The following ANO3 variants were observed in gnomAD, a reference collection of about 807,000 sequenced individuals.
ANO3 encodes anoctamin-3.
A neutral mutation model predicts 144.8 loss-of-function variants in ANO3; 99 were observed. The observed-to-expected ratio is 0.68, with a 90% CI of 0.58 to 0.81. The LOEUF (loss-of-function observed/expected upper bound fraction) is 0.81. ANO3 is among the 30% of genes least tolerant of loss of function. The pLI, the probability that ANO3 is intolerant of heterozygous loss-of-function variation, is 0.00. For synonymous variants in ANO3, 414 were observed against 392.6 expected, an observed-to-expected ratio of 1.05 and a Z score of -0.64; for missense variants, 905 against 1,202.2, an observed-to-expected ratio of 0.75 and a Z score of 3.66.
At chr11:26,393,773 T>G (rs1028148298) in intron 1 of ANO3, among the ~76,000 whole-genome samples, 1 of 152,314 alleles carries the variant, frequency 6.6e-6, no homozygotes, top group African/African-American at 2.4e-5. Context: ...AATAATATAC[T>G]TTGGGAGTTG....
At chr11:26,353,349 T>G (rs1333470198) in intron 1 of ANO3, among the ~76,000 whole-genome samples, 1 of 151,638 alleles carries the variant, frequency 6.6e-6, no homozygotes, top group Non-Finnish European at 1.5e-5. Context: ...CACATTCTGT[T>G]TTTCAGGGTC....
intron 4 of ANO3, among the ~76,000 whole-genome samples, chr11:26,470,788 A>G (rs889991341): frequency 6.6e-6 from 1 of 151,966 alleles, no homozygotes; most frequent in African/African-American, 2.4e-5. Context: ...AGGACATAAA[A>G]CTTAAGTATT....
intron 11 of ANO3, among the ~76,000 whole-genome samples, chr11:26,544,249 T>TACAC (rs746053289): frequency 9.0e-4 from 48 of 53,214 alleles, no homozygotes; most frequent in Non-Finnish European, 1.4e-3. Flanking sequence ...TATTTCATTA[T>TACAC]ACATATATAT....
At chr11:26,296,158 C>T (rs1854084136) in intron 1 of ANO3, among the ~76,000 whole-genome samples, 1 of 152,262 alleles carries the variant, frequency 6.6e-6, no homozygotes, top group African/African-American at 2.4e-5. Flanking sequence ...CTTGTGTTGG[C>T]AATTGATCTT....
chr11:26,525,665 C>A lies in ANO3; in HGVS notation c.723C>A (p.Ser241Arg). ...RKKCYYTDGR[S>R]KSMGRMQTYF... Reference sequence around the variant, plus strand: ...AATGCTATTACACTGACGGGAGGAGCAAATCAATGGGCAGGTTGGTGGGTG... The same window carrying A: ...AATGCTATTACACTGACGGGAGGAGAAAATCAATGGGCAGGTTGGTGGGTG... The change falls in exon 7 of 27, where the codon AGC becomes AGA. Residue 241 changes from serine to arginine, a missense_variant. Ser to Arg is a moderately radical substitution (Grantham distance 110, BLOSUM62 -1). Transcript: ENST00000256737. 9 of 1,609,072 alleles carry A rather than the reference C, an allele frequency of 5.6e-6. No individual in the cohort carries two copies. Among genetic ancestry groups the A allele is most frequent in the Non-Finnish European group, 7.6e-6 (9 of 1,177,832 alleles).
At chr11:26,371,513 A>T (rs1052634799) in intron 1 of ANO3, among the ~76,000 whole-genome samples, 3 of 152,192 alleles carry the variant, frequency 2.0e-5, no homozygotes, top group Admixed American at 6.5e-5. Flanking sequence ...ATCATCCTTT[A>T]GACCCAGAAT....
chr11:26,559,406 G>T, intron 13 of ANO3: 1 of 217,594 alleles, frequency 4.6e-6, no homozygotes, highest in East Asian at 9.6e-5. Flanking sequence ...TCATTAAGTA[G>T]TTTGACAATC....
intron 1 of ANO3, among the ~76,000 whole-genome samples, chr11:26,425,318 T>A (rs1265086001): frequency 1.3e-5 from 2 of 152,126 alleles, no homozygotes; most frequent in African/African-American, 4.8e-5. Flanking sequence ...TAGAAATTAT[T>A]TCAAACATTC....
At chr11:26,484,580 G>C (rs991448622) in intron 4 of ANO3, among the ~76,000 whole-genome samples, 5 of 152,186 alleles carry the variant, frequency 3.3e-5, no homozygotes, top group Admixed American at 3.3e-4. Flanking sequence ...TTCTACTAGG[G>C]CTGTGGAGGG....
chr11:26,557,779 C>G (rs1850132003), intron 13 of ANO3, among the ~76,000 whole-genome samples: 1 of 152,120 alleles, frequency 6.6e-6, no homozygotes, highest in Non-Finnish European at 1.5e-5. Flanking sequence ...CATTCTTTTT[C>G]CCATTTTCAT....
intron 4 of ANO3, among the ~76,000 whole-genome samples, chr11:26,505,280 G>A (rs1861380764): frequency 6.6e-6 from 1 of 152,172 alleles, no homozygotes; most frequent in Non-Finnish European, 1.5e-5. Flanking sequence ...AAGGGACAGA[G>A]TTGCAATCAA....
intron 1 of ANO3, among the ~76,000 whole-genome samples, chr11:26,278,106 C>G (rs916897862): frequency 1.3e-5 from 2 of 152,054 alleles, no homozygotes; most frequent in Non-Finnish European, 2.9e-5. Flanking sequence ...TCTTTCTCTG[C>G]TTCTGTGTGT....
At chr11:26,368,819 T>G (rs556291406) in intron 1 of ANO3, among the ~76,000 whole-genome samples, 1 of 152,300 alleles carries the variant, frequency 6.6e-6, no homozygotes, top group South Asian at 2.1e-4. Context: ...GTTTTTTGTT[T>G]TTTTCAAGTA....
At chr11:26,442,446 T>C (rs970010022) in intron 2 of ANO3, among the ~76,000 whole-genome samples, 3 of 152,188 alleles carry the variant, frequency 2.0e-5, no homozygotes, top group African/African-American at 7.2e-5. Flanking sequence ...AGTATTCAAA[T>C]AGAAAATGTC....
intron 17 of ANO3, among the ~76,000 whole-genome samples, chr11:26,618,317 C>T (rs948635544): frequency 2.6e-5 from 4 of 152,056 alleles, no homozygotes; most frequent in African/African-American, 9.7e-5. Flanking sequence ...ATCTCCTTCA[C>T]AGTATCGTGA....
chr11:26,372,077 T>G (rs1027642268), intron 1 of ANO3, among the ~76,000 whole-genome samples: 2 of 152,212 alleles, frequency 1.3e-5, no homozygotes, highest in Non-Finnish European at 2.9e-5. Context: ...AATCTCATCT[T>G]GAATTGTAGT....
intron 4 of ANO3, among the ~76,000 whole-genome samples, chr11:26,504,463 A>G: frequency 6.6e-6 from 1 of 152,190 alleles, no homozygotes; most frequent in East Asian, 1.9e-4. Context: ...AAAATTTCTT[A>G]CCTTCGTAAA....
At chr11:26,336,611 T>G (rs1855200297) in intron 1 of ANO3, among the ~76,000 whole-genome samples, 1 of 152,214 alleles carries the variant, frequency 6.6e-6, no homozygotes, top group African/African-American at 2.4e-5. Flanking sequence ...GAATTCAAAT[T>G]ACCTAGAAGG....
chr11:26,654,366 T>C (rs1311297770), intron 24 of ANO3, among the ~76,000 whole-genome samples: 2 of 152,142 alleles, frequency 1.3e-5, no homozygotes, highest in Non-Finnish European at 2.9e-5. Context: ...ATATTTGGTA[T>C]TTGTAATGTC....
Sources: allele counts gnomAD v4.1 joint callset (sites outside exome capture counted in the v4.1 genomes callset), GRCh38; gene constraint gnomAD v4.1.1; transcripts MANE v1.5; gene names NCBI Gene and HGNC (gene_info 2026-07-23, HGNC 2026-07-21).